The following AGBL1 variants were observed in gnomAD, a reference collection of about 807,000 sequenced individuals.
AGBL1 encodes cytosolic carboxypeptidase 4.
A neutral mutation model predicts 118.9 loss-of-function variants in AGBL1; 130 were observed. That is an observed-to-expected ratio of 1.09 (90% confidence interval 0.95 to 1.26). The LOEUF is 1.26. Ranked by LOEUF, AGBL1 falls within the 50% of genes most tolerant of loss-of-function variation. AGBL1 has a pLI of 0.00. For synonymous variants in AGBL1, 555 were observed against 478.9 expected (o/e 1.16, Z -2.08); for missense variants, 1,584 against 1,298.1 (o/e 1.22, Z -3.38).
chr15:86,347,003 C>A (rs1483509148), intron 17 of AGBL1, among the ~76,000 whole-genome samples: 2 of 152,126 alleles, frequency 1.3e-5, no homozygotes, highest in African/African-American at 4.8e-5. Flanking sequence ...GCTTTGAGGG[C>A]TTTATTAATA....
intron 23 of AGBL1, among the ~76,000 whole-genome samples, chr15:86,928,374 T>C (rs1373869671): frequency 1.3e-5 from 2 of 152,192 alleles, no homozygotes; most frequent in East Asian, 3.9e-4. Flanking sequence ...AGAGAGGCCC[T>C]GTCTGCAGAA....
chr15:86,848,237 G>GTGTATGCA (rs1201490541), intron 22 of AGBL1, among the ~76,000 whole-genome samples: 3 of 152,062 alleles, frequency 2.0e-5, no homozygotes, highest in Non-Finnish European at 2.9e-5. Flanking sequence ...CCTCGACTTT[G>GTGTATGCA]TGTATGCATT....
intron 18 of AGBL1, among the ~76,000 whole-genome samples, chr15:86,464,478 T>C (rs1040489965): frequency 2.0e-5 from 3 of 152,222 alleles, no homozygotes; most frequent in African/African-American, 7.2e-5. Context: ...AATACTATGT[T>C]GAATAGGAGT....
intron 5 of AGBL1, among the ~76,000 whole-genome samples, chr15:86,181,395 T>G (rs2077550959): frequency 6.6e-6 from 1 of 152,048 alleles, no homozygotes; most frequent in African/African-American, 2.4e-5. Flanking sequence ...TTATGCTGAA[T>G]GAAAGATGCC....
intron 22 of AGBL1, among the ~76,000 whole-genome samples, chr15:86,788,595 A>G (rs561878038): frequency 3.9e-5 from 6 of 152,204 alleles, no homozygotes; most frequent in Non-Finnish European, 8.8e-5. Flanking sequence ...TATTTTAAAG[A>G]TGCGAGACGG....
chr15:86,742,172 C>G (rs879762799), intron 22 of AGBL1, among the ~76,000 whole-genome samples: 1 of 152,026 alleles, frequency 6.6e-6, no homozygotes, highest in African/African-American at 2.4e-5. Flanking sequence ...CATAAAGAAA[C>G]GTGACCCAGA....
intron 20 of AGBL1, among the ~76,000 whole-genome samples, chr15:86,552,977 C>A (rs1016262057): frequency 6.6e-6 from 1 of 151,896 alleles, no homozygotes; most frequent in African/African-American, 2.4e-5. Context: ...TTAACAGTTA[C>A]ATTTAACATG....
At chr15:87,008,016 G>T (rs541283851) in intron 24 of AGBL1, among the ~76,000 whole-genome samples, 1 of 152,330 alleles carries the variant, frequency 6.6e-6, no homozygotes, top group South Asian at 2.1e-4. Flanking sequence ...GATTTTTCTG[G>T]TGAGTGAAGG....
chr15:86,144,915 G>A (rs1356908508), intron 3 of AGBL1, among the ~76,000 whole-genome samples: 1 of 152,222 alleles, frequency 6.6e-6, no homozygotes, highest in Admixed American at 6.5e-5. Flanking sequence ...ACAGAAGACT[G>A]TTAGGAGGTC....
intron 1 of AGBL1, among the ~76,000 whole-genome samples, chr15:86,116,082 G>A (rs764588330): frequency 2.6e-5 from 4 of 152,128 alleles, no homozygotes; most frequent in Non-Finnish European, 5.9e-5. Context: ...AATAGGCAGG[G>A]AACCTAGAAT....
chr15:86,902,504 T>G (rs2080225193), intron 22 of AGBL1, among the ~76,000 whole-genome samples: 1 of 152,194 alleles, frequency 6.6e-6, no homozygotes, highest in Non-Finnish European at 1.5e-5. Flanking sequence ...ACTCTTTTGT[T>G]GCTTTTTTCT....
intron 18 of AGBL1, among the ~76,000 whole-genome samples, chr15:86,432,806 G>A (rs2081950977): frequency 6.6e-6 from 1 of 152,182 alleles, no homozygotes; most frequent in African/African-American, 2.4e-5. Context: ...GTGAAAAATT[G>A]AAAGAGGTTT....
At chr15:86,423,644 C>T (rs1278177013) in intron 18 of AGBL1, among the ~76,000 whole-genome samples, 3 of 152,096 alleles carry the variant, frequency 2.0e-5, no homozygotes, top group Non-Finnish European at 2.9e-5. Context: ...AACCCATTGT[C>T]GCAACCCCAA....
intron 21 of AGBL1, among the ~76,000 whole-genome samples, chr15:86,621,373 G>C (rs1187230243): frequency 1.3e-5 from 2 of 152,210 alleles, no homozygotes; most frequent in African/African-American, 4.8e-5. Context: ...ATTATAAACA[G>C]GATGGCTTGA....
chr15:86,550,557 T>C (rs2083650193), intron 20 of AGBL1, among the ~76,000 whole-genome samples: 1 of 152,086 alleles, frequency 6.6e-6, no homozygotes, highest in African/African-American at 2.4e-5. Flanking sequence ...CTGAAACAAA[T>C]TGTTAATCAG....
chr15:86,785,056 C>A (rs1453549887), intron 22 of AGBL1, among the ~76,000 whole-genome samples: 2 of 152,096 alleles, frequency 1.3e-5, no homozygotes, highest in African/African-American at 4.8e-5. Flanking sequence ...CAAATTCTTA[C>A]AATGAATGCA....
intron 24 of AGBL1, among the ~76,000 whole-genome samples, chr15:87,027,535 A>T (rs1387405595): frequency 2.0e-5 from 3 of 151,294 alleles, no homozygotes; most frequent in African/African-American, 7.3e-5. Flanking sequence ...TATTATATAG[A>T]TGTATATTTA....
chr15:86,235,201 T>TG (rs1303418804), intron 6 of AGBL1, among the ~76,000 whole-genome samples: 2 of 152,242 alleles, frequency 1.3e-5, no homozygotes, highest in African/African-American at 4.8e-5. Flanking sequence ...TCTTATTTCT[T>TG]AAGCTATTCT....
intron 5 of AGBL1, among the ~76,000 whole-genome samples, chr15:86,189,549 A>G (rs1464408647): frequency 6.6e-6 from 1 of 152,058 alleles, no homozygotes; most frequent in African/African-American, 2.4e-5. Flanking sequence ...CATGGTAACG[A>G]GTTGGTTCTC....
Sources: gnomAD v4.1 joint callset for allele counts (sites outside exome capture counted in the v4.1 genomes callset) on GRCh38, gnomAD v4.1.1 for gene constraint, MANE v1.5 for transcripts, NCBI Gene and HGNC (gene_info 2026-07-23, HGNC 2026-07-21) for gene names.